Variants in INVS observed in about 807,000 individuals in gnomAD.
The protein encoded by INVS is inversin.
Under a neutral mutation model 108.8 loss-of-function variants are expected in INVS, and 86 were observed. That is an observed-to-expected ratio of 0.79 (90% confidence interval 0.66 to 0.95). The LOEUF is 0.95. INVS is among the 40% of genes least tolerant of loss of function. The pLI is 0.00. For synonymous variants in INVS, 455 were observed against 473.5 expected (o/e 0.96, Z 0.51); for missense variants, 1,169 against 1,297.4 (o/e 0.90, Z 1.52).
intron 3 of INVS, chr9:100,132,007 C>A: frequency 2.4e-6 from 1 of 410,700 alleles, no homozygotes; most frequent in Non-Finnish European, 3.3e-6. Context: ...ACACAACAAA[C>A]AATCCACGCC....
At chr9:100,161,391 A>C (rs945478595) in intron 3 of INVS, among the ~76,000 whole-genome samples, 1 of 131,020 alleles carries the variant, frequency 7.6e-6, no homozygotes, top group African/African-American at 3.5e-5. Flanking sequence ...AAAAAAAAAA[A>C]ACCTCATAAA....
chr9:100,259,799 C>T (rs1832555170), intron 10 of INVS, among the ~76,000 whole-genome samples: 1 of 152,070 alleles, frequency 6.6e-6, no homozygotes, highest in Admixed American at 6.6e-5. Context: ...ATCCGCCCGC[C>T]TCGGCCTCCC....
intron 2 of INVS, among the ~76,000 whole-genome samples, chr9:100,108,723 T>A (rs1473452394): frequency 6.6e-6 from 1 of 152,184 alleles, no homozygotes; most frequent in African/African-American, 2.4e-5. Context: ...TGGAGAAGTA[T>A]GTCAGTGATG....
chr9:100,247,702 A>G (rs1419567767), intron 8 of INVS, among the ~76,000 whole-genome samples: 5 of 152,206 alleles, frequency 3.3e-5, no homozygotes, highest in African/African-American at 1.2e-4. Flanking sequence ...TACCGAGACA[A>G]CCACAGCCTC....
In INVS at chr9:100,252,440, T is replaced by A; in HGVS notation, c.1234+2T>A. On this transcript the variant is annotated splice_donor_variant, in intron 9 of 16. Coordinates refer to ENST00000262457, the MANE Select transcript of INVS (RefSeq NM_014425.5). LOFTEE classifies it high-confidence loss of function. The stretch of plus-strand genomic sequence containing the variant: ...ATGTGATTCAGACACTCATTAAAGG[T>A]GGGCTAATAAGAGTACTCCTAATAA... 6.2e-7 allele frequency: 1 copy of A among 1,613,574 alleles called. No homozygotes were observed. The highest frequency in any genetic ancestry group is 8.5e-7 in the Non-Finnish European group (1 of 1,179,590).
chr9:100,209,309 T>A (rs1007792171), intron 3 of INVS, among the ~76,000 whole-genome samples: 2 of 152,180 alleles, frequency 1.3e-5, no homozygotes, highest in Admixed American at 6.5e-5. Flanking sequence ...CTTTTAGAAT[T>A]AGAATCATAG....
intron 3 of INVS, among the ~76,000 whole-genome samples, chr9:100,211,983 G>A (rs1488218599): frequency 1.3e-5 from 2 of 152,148 alleles, no homozygotes; most frequent in African/African-American, 2.4e-5. Context: ...ACAGAATTAA[G>A]CCTTGACAAT....
intron 3 of INVS, among the ~76,000 whole-genome samples, chr9:100,183,979 G>A (rs1009071270): frequency 2.0e-5 from 3 of 151,866 alleles, no homozygotes; most frequent in African/African-American, 4.8e-5. Context: ...ATAAAGTATG[G>A]GGTGGGGATA....
intron 3 of INVS, among the ~76,000 whole-genome samples, chr9:100,213,012 T>A (rs1830879573): frequency 1.3e-5 from 2 of 152,074 alleles, no homozygotes; most frequent in Non-Finnish European, 2.9e-5. Flanking sequence ...AGGGCCTGCT[T>A]CCTGGTTCAT....
At chr9:100,242,445 T>C (rs1831907842) in intron 6 of INVS, 125 bp from the exon 7 acceptor site, 1 of 653,286 alleles carries the variant, frequency 1.5e-6, no homozygotes. Flanking sequence ...TGGGGGCTGC[T>C]GTTCAGAAAC....
intron 3 of INVS, among the ~76,000 whole-genome samples, chr9:100,142,719 G>A (rs903577914): frequency 2.0e-4 from 30 of 152,330 alleles, no homozygotes; most frequent in African/African-American, 6.5e-4. Context: ...TAGAGAGTCA[G>A]TTGAGCATAC....
chr9:100,117,216 C>A (rs1029286867), intron 2 of INVS: 15 of 946,992 alleles, frequency 1.6e-5, no homozygotes, highest in Non-Finnish European at 2.5e-5. Context: ...CACTTAACAC[C>A]CAGACCGACG....
chr9:100,198,229 A>AATGGTGTTG (rs1435969311), intron 3 of INVS, among the ~76,000 whole-genome samples: 1 of 135,472 alleles, frequency 7.4e-6, no homozygotes, highest in Non-Finnish European at 1.5e-5. Context: ...CCTCAACTTT[A>AATGGTGTTG]ATGGTGTTGA....
chr9:100,252,369 A>T lies in INVS; in HGVS notation c.1165A>T (p.Met389Leu), dbSNP rs1053326550. ...TGCTCAAGTAGATGCTACTGATGTT[A>T]TGAAACATACTCCACTTTTCCGAGC... ...NNAQVDATDV[M>L]KHTPLFRACE... The change falls in exon 9 of 17, where the codon ATG (methionine) becomes TTG (leucine). Residue 389 changes from methionine (M) to leucine (L), a missense_variant. Met to Leu is a conservative substitution (Grantham distance 15). Transcript: ENST00000262457. 1.9e-6 allele frequency: 3 copies of T among 1,613,910 alleles called. No individual in the cohort carries two copies. Among genetic ancestry groups the T allele is most frequent in the Middle Eastern group, 1.6e-4 (1 of 6,084 alleles).
At chr9:100,225,428 T>C (rs1831286841) in intron 3 of INVS, among the ~76,000 whole-genome samples, 1 of 152,210 alleles carries the variant, frequency 6.6e-6, no homozygotes, top group African/African-American at 2.4e-5. Flanking sequence ...TAATCATCCA[T>C]ACCTTATTAA....
chr9:100,153,501 A>G (rs1469510328), intron 3 of INVS, among the ~76,000 whole-genome samples: 1 of 152,212 alleles, frequency 6.6e-6, no homozygotes, highest in Non-Finnish European at 1.5e-5. Flanking sequence ...AACATGCTTC[A>G]TGTCTCAGAT....
intron 10 of INVS, among the ~76,000 whole-genome samples, chr9:100,254,383 G>C (rs1027769026): frequency 6.6e-6 from 1 of 152,104 alleles, no homozygotes; most frequent in African/African-American, 2.4e-5. Flanking sequence ...TCACTCTGAT[G>C]GTAGTTTCTT....
At chr9:100,129,917 T>C (rs1407755325) in intron 3 of INVS, 5 of 440,164 alleles carry the variant, frequency 1.1e-5, no homozygotes, top group Non-Finnish European at 1.7e-5. Flanking sequence ...GAGGAGGGAA[T>C]TGCAGAGAAA....
intron 3 of INVS, among the ~76,000 whole-genome samples, chr9:100,166,717 C>G (rs1484111412): frequency 1.3e-5 from 2 of 152,160 alleles, no homozygotes; most frequent in Admixed American, 6.5e-5. Flanking sequence ...CTAGATTTAT[C>G]CAGAATGCAA....
Sources: gnomAD v4.1 joint callset for allele counts (sites outside exome capture counted in the v4.1 genomes callset) on GRCh38, gnomAD v4.1.1 for gene constraint, MANE v1.5 for transcripts, NCBI Gene and HGNC (gene_info 2026-07-23, HGNC 2026-07-21) for gene names.